The following ROBO2 variants were observed in gnomAD, a reference collection of about 807,000 sequenced individuals.
The protein encoded by ROBO2 is roundabout homolog 2.
ROBO2 carries 53 observed loss-of-function variants against 160.8 expected under a neutral mutation model. The ratio of observed to expected loss-of-function variants is 0.33; its 90% CI spans 0.26 to 0.41. ROBO2 has a LOEUF of 0.41. Among genes scored for constraint, ROBO2 ranks in the 10% least tolerant of loss-of-function variants. The probability of loss-of-function intolerance (pLI) is 1.00; values close to 1 mark genes in which losing one functional copy is unlikely to be tolerated. For missense variants in ROBO2, 1,577 were observed against 1,722.4 expected (o/e 0.92, Z 1.49); for synonymous variants, 664 against 611.7 (o/e 1.09, Z -1.26).
At chr3:77,038,176 C>G (rs942542864), upstream of ROBO2, among the ~76,000 whole-genome samples, 1 of 152,116 alleles carries the variant, frequency 6.6e-6, no homozygotes, top group African/African-American at 2.4e-5. Flanking sequence ...AACGGTTAAG[C>G]CTTTTTTCAC....
intron 2 of ROBO2, among the ~76,000 whole-genome samples, chr3:77,271,123 T>C (rs2059464556): frequency 1.3e-5 from 2 of 151,818 alleles, no homozygotes; most frequent in Admixed American, 6.6e-5. Flanking sequence ...TTATTTTGTA[T>C]CTTCTATGTA....
At chr3:77,423,844 T>G (rs1480288146) in intron 2 of ROBO2, among the ~76,000 whole-genome samples, 1 of 152,206 alleles carries the variant, frequency 6.6e-6, no homozygotes, top group Non-Finnish European at 1.5e-5. Flanking sequence ...TACTGTGTCC[T>G]TCAGGCTAGA....
intron 2 of ROBO2, among the ~76,000 whole-genome samples, chr3:76,025,478 A>G (rs1480142942): frequency 1.3e-5 from 2 of 151,898 alleles, no homozygotes; most frequent in Non-Finnish European, 3.0e-5. Flanking sequence ...AAACATTGAC[A>G]CTATAGATCA....
At chr3:77,302,022 C>T (rs1428292412) in intron 2 of ROBO2, among the ~76,000 whole-genome samples, 3 of 152,102 alleles carry the variant, frequency 2.0e-5, no homozygotes, top group Admixed American at 2.0e-4. Context: ...CCTGCCTCAG[C>T]CTCCCAAGTA....
intron 2 of ROBO2, among the ~76,000 whole-genome samples, chr3:76,198,795 T>C (rs551060650): frequency 1.3e-5 from 2 of 152,264 alleles, no homozygotes; most frequent in African/African-American, 2.4e-5. Flanking sequence ...TTTCAACCAA[T>C]TGCCAATTAG....
At chr3:76,467,558 T>C (rs1275561766) in intron 2 of ROBO2, among the ~76,000 whole-genome samples, 1 of 152,120 alleles carries the variant, frequency 6.6e-6, no homozygotes, top group Admixed American at 6.6e-5. Context: ...AAGTCACATG[T>C]GCCATTTCTG....
intron 2 of ROBO2, among the ~76,000 whole-genome samples, chr3:76,479,229 A>G (rs1577490774): frequency 6.6e-6 from 1 of 152,306 alleles, no homozygotes; most frequent in Middle Eastern, 3.4e-3. Flanking sequence ...ATTTTAGTAG[A>G]TGCTGGGAAT....
At chr3:76,334,230 C>T (rs1315472042) in intron 2 of ROBO2, among the ~76,000 whole-genome samples, 1 of 152,110 alleles carries the variant, frequency 6.6e-6, no homozygotes, top group Non-Finnish European at 1.5e-5. Context: ...TATTTTACAT[C>T]AGTTATCTTG....
intron 2 of ROBO2, among the ~76,000 whole-genome samples, chr3:76,328,138 C>T (rs1360640475): frequency 1.3e-5 from 2 of 152,090 alleles, no homozygotes; most frequent in African/African-American, 2.4e-5. Context: ...ACAAATCATC[C>T]AAAAGTGATA....
chr3:76,966,820 C>A (rs1023053337), intron 2 of ROBO2, among the ~76,000 whole-genome samples: 2 of 152,120 alleles, frequency 1.3e-5, no homozygotes, highest in Non-Finnish European at 2.9e-5. Flanking sequence ...AAATAATATT[C>A]GGTGTGTTTA....
intron 2 of ROBO2, among the ~76,000 whole-genome samples, chr3:77,348,752 C>T (rs906570228): frequency 1.3e-5 from 2 of 152,158 alleles, no homozygotes; most frequent in African/African-American, 4.8e-5. Flanking sequence ...AACAAGTCTC[C>T]CTAATCCTGC....
chr3:75,916,486 T>C (rs559295896), intron 1 of ROBO2, among the ~76,000 whole-genome samples: 1 of 152,332 alleles, frequency 6.6e-6, no homozygotes, highest in South Asian at 2.1e-4. Flanking sequence ...AGAATTATAC[T>C]ATATTGCTTT....
intron 2 of ROBO2, among the ~76,000 whole-genome samples, chr3:77,220,069 G>C (rs1393990697): frequency 3.9e-5 from 6 of 151,952 alleles, no homozygotes; most frequent in Non-Finnish European, 8.8e-5. Context: ...GGAGTGCAGT[G>C]GTGCGATCTC....
rs530235771 is a variant in ROBO2, at chr3:76,493,963, C to A, written c.109+556361C>A. 3.3e-5 allele frequency among the ~76,000 whole-genome samples: 5 copies of A among 152,156 alleles called. No homozygotes were observed. The East Asian group carries it at 9.7e-4, about 29-fold the overall frequency. On this transcript the variant is annotated intron_variant, in intron 2 of 26. Transcript: ENST00000487694. ...TGAGGGGAAATCTGCTTTTAAAGTACGTCCATAAGATCCAGCAATTTCACT... is the reference window on the plus strand; with the variant it reads ...TGAGGGGAAATCTGCTTTTAAAGTAAGTCCATAAGATCCAGCAATTTCACT...
At chr3:76,213,804 AAATT>A (rs1703309129) in intron 2 of ROBO2, among the ~76,000 whole-genome samples, 1 of 152,192 alleles carries the variant, frequency 6.6e-6, no homozygotes, top group East Asian at 1.9e-4. Flanking sequence ...TATTGAGAAT[AAATT>A]AAGCAAAGGA....
chr3:76,804,710 G>A lies in ROBO2; in HGVS notation c.110-293304G>A, dbSNP rs1017035193. Among the ~76,000 whole-genome samples, 4 of 152,044 alleles carry A rather than the reference G, an allele frequency of 2.6e-5. No homozygotes were observed. The East Asian group carries it at 5.8e-4, about 22-fold the overall frequency. On this transcript the variant is annotated intron_variant, in intron 2 of 26. Coordinates refer to the ROBO2 transcript ENST00000487694. ...TGTTTAGACTGAGTATAATAATAGT[G>A]CCAACCTCCTATGACTGTTCTGACA...
At position 77,293,887 on chromosome 3, in the gene ROBO2, G is replaced by C. The variant is rs530407162; in HGVS notation, c.389-183527G>C. ...CCCCAGATGTAAAGTAAAATTGACG[G>C]CTAAACGAGTAAGCTGCAGCTAGAT... is the stretch of plus-strand genomic sequence containing the variant. On this transcript the variant is annotated intron_variant, in intron 2 of 25. Transcript: ENST00000461745. Among the ~76,000 whole-genome samples, 54 of 138,462 alleles carry C rather than the reference G, an allele frequency of 3.9e-4. 9 individuals are homozygous for C. Among genetic ancestry groups the C allele is most frequent in the African/African-American group, 1.6e-3 (51 of 32,552 alleles). The allele number at this position is 138,462 out of a possible 152,430, so 90.8% of individuals were successfully genotyped here. A position where few individuals can be genotyped will look rare whatever the true frequency, so the allele number is the denominator to read the frequency against.
At chr3:76,828,038 C>A (rs1280099928) in intron 2 of ROBO2, among the ~76,000 whole-genome samples, 1 of 152,068 alleles carries the variant, frequency 6.6e-6, no homozygotes, top group Non-Finnish European at 1.5e-5. Flanking sequence ...TTTTGTTTAT[C>A]CCCACTACAG....
chr3:77,086,460 A>G (rs1182274839), intron 1 of ROBO2, among the ~76,000 whole-genome samples: 2 of 152,160 alleles, frequency 1.3e-5, no homozygotes, highest in African/African-American at 4.8e-5. Context: ...CTACTGACAG[A>G]TGATTTCTAT....
Sources: allele counts gnomAD v4.1 joint callset (sites outside exome capture counted in the v4.1 genomes callset), GRCh38; gene constraint gnomAD v4.1.1; transcripts MANE v1.5; gene names NCBI Gene and HGNC (gene_info 2026-07-23, HGNC 2026-07-21).